CADPS2: variants seen among roughly 807,000 people sequenced by gnomAD.
The protein encoded by CADPS2 is calcium dependent secretion activator 2.
CADPS2 carries 93 observed loss-of-function variants against 172.5 expected under a neutral mutation model. The ratio of observed to expected loss-of-function variants is 0.54; its 90% CI spans 0.46 to 0.64. The LOEUF is 0.64. Ranked by LOEUF, CADPS2 falls within the 30% of genes least tolerant of loss-of-function variation. The pLI is 0.00. For missense variants in CADPS2, 1,420 were observed against 1,565.9 expected (o/e 0.91, Z 1.57); for synonymous variants, 546 against 555.2 (o/e 0.98, Z 0.23).
intron 17 of CADPS2, chr7:122,426,289 C>G (rs748305569): frequency 6.6e-6 from 1 of 152,154 alleles, no homozygotes; most frequent in Non-Finnish European, 1.5e-5. Flanking sequence ...TCCCAATTGG[C>G]AAGTGTAAAA....
chr7:122,703,758 G>A (rs545808683), intron 2 of CADPS2, among the ~76,000 whole-genome samples: 20 of 152,208 alleles, frequency 1.3e-4, no homozygotes, highest in African/African-American at 4.8e-4. Context: ...ACAAGAGAAT[G>A]AGCTTAGGCA....
At chr7:122,688,485 C>T (rs889478596) in intron 2 of CADPS2, among the ~76,000 whole-genome samples, 2 of 152,148 alleles carry the variant, frequency 1.3e-5, no homozygotes, top group Admixed American at 6.6e-5. Context: ...TGAAAGAAAA[C>T]TCAGGGAGAC....
intron 2 of CADPS2, 45 bp from the exon 3 acceptor site, chr7:122,663,614 T>G: frequency 2.1e-6 from 3 of 1,420,584 alleles, no homozygotes; most frequent in Non-Finnish European, 2.9e-6. Flanking sequence ...CAATTACAAT[T>G]AGGTGTAGAT....
At chr7:122,380,305 C>T (rs1228246227) in intron 24 of CADPS2, among the ~76,000 whole-genome samples, 1 of 152,076 alleles carries the variant, frequency 6.6e-6, no homozygotes, top group East Asian at 1.9e-4. Context: ...AGCCACTTCA[C>T]AGAAAATGTG....
At chr7:122,480,986 T>C (rs551025886) in intron 11 of CADPS2, 126 bp from the exon 12 acceptor site, 1 of 818,964 alleles carries the variant, frequency 1.2e-6, no homozygotes, top group Admixed American at 3.5e-5. Flanking sequence ...AAGTTGTTTT[T>C]CTAAAAGACC....
intron 9 of CADPS2, among the ~76,000 whole-genome samples, chr7:122,497,177 T>A (rs867504019): frequency 3.3e-5 from 5 of 151,618 alleles, no homozygotes; most frequent in Admixed American, 6.6e-5. Flanking sequence ...CTGGTAAATT[T>A]AAAAAAAAAT....
rs116316482 is a variant in CADPS2, at chr7:122,832,173, C to T, written c.339+53826G>A. On this transcript the variant is annotated intron_variant, in intron 1 of 29. Coordinates refer to ENST00000449022, the MANE Select transcript of CADPS2 (RefSeq NM_017954.11). ...TGGTGAACAAACATTTAAATAAATACTGTAATCCCCTCAAAACCATCAGCA... is the reference window on the plus strand; with the variant it reads ...TGGTGAACAAACATTTAAATAAATATTGTAATCCCCTCAAAACCATCAGCA... Among the ~76,000 whole-genome samples, 271 of 152,126 alleles carry T rather than the reference C, an allele frequency of 1.8e-3. 3 individuals are homozygous for T. Among genetic ancestry groups the T allele is most frequent in the African/African-American group, 6.4e-3 (267 of 41,508 alleles).
At chr7:122,405,452 C>T (rs908017435) in intron 20 of CADPS2, among the ~76,000 whole-genome samples, 2 of 152,104 alleles carry the variant, frequency 1.3e-5, no homozygotes, top group African/African-American at 4.8e-5. Context: ...CACTTGAGGT[C>T]AGGATTTTGA....
At chr7:122,432,756 G>A (rs1321030211) in intron 17 of CADPS2, among the ~76,000 whole-genome samples, 1 of 151,486 alleles carries the variant, frequency 6.6e-6, no homozygotes, top group African/African-American at 2.4e-5. Context: ...TTTTCTAGAG[G>A]GTATAAACTG....
chr7:122,477,002 GGAGAGGAGAGGAGAGGAGAGGAGA>G (rs2056703869), intron 12 of CADPS2, among the ~76,000 whole-genome samples: 1 of 42,220 alleles, frequency 2.4e-5, no homozygotes, highest in Non-Finnish European at 4.7e-5. Flanking sequence ...GGAGGGGAGA[GGAGAGGAGAGGAGAGGAGAGGAGA>G]GGAGAGGAGA....
At chr7:122,720,294 T>C (rs570084820) in intron 2 of CADPS2, among the ~76,000 whole-genome samples, 1 of 151,994 alleles carries the variant, frequency 6.6e-6, no homozygotes, top group East Asian at 1.9e-4. Context: ...GCAAAACATA[T>C]CCAAACAAAA....
intron 20 of CADPS2, among the ~76,000 whole-genome samples, chr7:122,394,375 AAT>A (rs2044782473): frequency 6.6e-6 from 1 of 152,208 alleles, no homozygotes; most frequent in Non-Finnish European, 1.5e-5. Context: ...ACCATTAAAA[AAT>A]AGAGAATCTA....
At chr7:122,688,685 G>A (rs1420640549) in intron 2 of CADPS2, among the ~76,000 whole-genome samples, 2 of 152,154 alleles carry the variant, frequency 1.3e-5, no homozygotes, top group Non-Finnish European at 2.9e-5. Context: ...AGTGTCAGCA[G>A]GGCAATGATA....
intron 1 of CADPS2, among the ~76,000 whole-genome samples, chr7:122,737,287 C>T (rs1306514710): frequency 5.9e-5 from 9 of 152,206 alleles, no homozygotes; most frequent in East Asian, 1.9e-4. Context: ...TGCAGTGGTG[C>T]GATCTCGGCT....
chr7:122,546,451 G>T (rs1194828029), intron 8 of CADPS2, among the ~76,000 whole-genome samples: 1 of 152,124 alleles, frequency 6.6e-6, no homozygotes, highest in Non-Finnish European at 1.5e-5. Flanking sequence ...GACTACTTTT[G>T]AAGAGATTCC....
At chr7:122,651,644 A>G (rs1201207930) in intron 3 of CADPS2, among the ~76,000 whole-genome samples, 2 of 152,100 alleles carry the variant, frequency 1.3e-5, no homozygotes, top group South Asian at 2.1e-4. Flanking sequence ...GAGTGGGAGG[A>G]GGGATAAGTG....
intron 14 of CADPS2, among the ~76,000 whole-genome samples, chr7:122,458,568 G>C (rs2054070504): frequency 6.6e-6 from 1 of 151,948 alleles, no homozygotes; most frequent in South Asian, 2.1e-4. Context: ...TTATCTTTTT[G>C]CAAACACTCC....
intron 14 of CADPS2, among the ~76,000 whole-genome samples, chr7:122,452,710 A>G (rs1482611233): frequency 1.3e-5 from 2 of 152,110 alleles, no homozygotes; most frequent in African/African-American, 4.8e-5. Flanking sequence ...TTATTTCTCT[A>G]AAGATTATAT....
Position 122,698,336 on chromosome 7 carries a change from C to A in CADPS2, c.454-34767G>T, listed in dbSNP as rs1195232352. 6 of 1,613,880 alleles carry A rather than the reference C, an allele frequency of 3.7e-6. No homozygotes were observed. In the African/African-American group the frequency reaches 6.7e-5, roughly 18 times the overall value. The stretch of plus-strand genomic sequence containing the variant: ...GCTAAGGTAGCAGTTGTGACAATCA[C>A]AAAAGAGACCAAATAGTGATTCATC... On this transcript the variant is annotated intron_variant, in intron 2 of 29. Transcript: ENST00000449022.
Sources: gnomAD v4.1 joint callset for allele counts (sites outside exome capture counted in the v4.1 genomes callset) on GRCh38, gnomAD v4.1.1 for gene constraint, MANE v1.5 for transcripts, NCBI Gene and HGNC (gene_info 2026-07-23, HGNC 2026-07-21) for gene names.